Variants in ALPK2 observed in about 807,000 individuals in gnomAD.
ALPK2 encodes alpha-protein kinase 2.
ALPK2 carries 127 observed loss-of-function variants against 163.1 expected under a neutral mutation model. That is an observed-to-expected ratio of 0.78 (90% confidence interval 0.67 to 0.90). The LOEUF (loss-of-function observed/expected upper bound fraction) is 0.90, where lower values mean the gene tolerates loss of function less well. Among genes scored for constraint, ALPK2 ranks in the 40% least tolerant of loss-of-function variants. ALPK2 has a pLI of 0.00. For synonymous variants in ALPK2, 953 were observed against 959.1 expected (o/e 0.99, Z 0.12); for missense variants, 2,360 against 2,589.6 (o/e 0.91, Z 1.92).
rs1292188381 is a variant in ALPK2, at chr18:58,534,897, A to G, written c.5290T>C (p.Ser1764Pro). 3.7e-6 allele frequency: 6 copies of G among 1,613,922 alleles called. No individual in the cohort carries two copies. Among genetic ancestry groups the G allele is most frequent in the Non-Finnish European group, 5.1e-6 (6 of 1,180,008 alleles). Residue 1764 changes from serine to proline, a missense_variant, in exon 5 of 13, where the codon TCA (serine) becomes CCA (proline). Ser to Pro is a moderately conservative substitution (Grantham distance 74). Transcript: ENST00000361673. ...FLKKMPKLET[S>P]LSHTEEKQDP... The stretch of plus-strand genomic sequence containing the variant: ...TGTTTCTCTTCTGTGTGTGATAATG[A>G]TGTTTCGAGTTTGGGCATCTTTTTA...
intron 1 of ALPK2, among the ~76,000 whole-genome samples, chr18:58,621,241 A>G (rs974468485): frequency 6.6e-6 from 1 of 152,070 alleles, no homozygotes; most frequent in Non-Finnish European, 1.5e-5. Flanking sequence ...TAAATGAAAT[A>G]AACAATGTAT....
At chr18:58,503,331 A>G (rs2051442462) in intron 11 of ALPK2, among the ~76,000 whole-genome samples, 1 of 152,220 alleles carries the variant, frequency 6.6e-6, no homozygotes, top group Non-Finnish European at 1.5e-5. Context: ...CCTATTGAGG[A>G]TAGAACAGTA....
Position 58,580,482 on chromosome 18 carries a change from A to C in ALPK2, c.294T>G (p.Cys98Trp), listed in dbSNP as rs2051952830. ...SAKNSFGMIC[C>W]SASVEVECSS... is the part of the protein sequence containing the mutation. ...AGCACTCAACCTCAACGGAAGCAGA[A>C]CAACAGATCATTCCAAAAGAGTTTT... Residue 98 changes from cysteine to tryptophan, a missense_variant, in exon 4 of 13, where the codon TGT becomes TGG. Coordinates refer to ENST00000361673, the MANE Select transcript of ALPK2 (RefSeq NM_052947.4). The C allele has an allele frequency of 6.2e-7, 1 of 1,614,092 alleles. No individual in the cohort carries two copies. Among genetic ancestry groups the C allele is most frequent in the South Asian group, 1.1e-5 (1 of 91,084 alleles).
intron 12 of ALPK2, among the ~76,000 whole-genome samples, chr18:58,489,579 T>A (rs1458601158): frequency 6.6e-6 from 1 of 151,628 alleles, no homozygotes; most frequent in Non-Finnish European, 1.5e-5. Flanking sequence ...TCCAGTTTCT[T>A]GGGAGGCTGA....
chr18:58,540,540 G>A (rs1267903027), intron 4 of ALPK2, among the ~76,000 whole-genome samples: 2 of 152,046 alleles, frequency 1.3e-5, no homozygotes, highest in Non-Finnish European at 2.9e-5. Context: ...TTTCTGGTTT[G>A]GTATTTTGGT....
chr18:58,556,728 C>T (rs2051794577), intron 4 of ALPK2, among the ~76,000 whole-genome samples: 1 of 152,174 alleles, frequency 6.6e-6, no homozygotes, highest in Non-Finnish European at 1.5e-5. Flanking sequence ...ACAAACTCCC[C>T]AGAAGAGAAG....
At chr18:58,600,026 T>C (rs1232890784) in intron 3 of ALPK2, among the ~76,000 whole-genome samples, 1 of 124,982 alleles carries the variant, frequency 8.0e-6, no homozygotes, top group Non-Finnish European at 1.6e-5. Flanking sequence ...AATGGGGATA[T>C]CTTTTTTTTT....
rs749206916 is a variant in ALPK2, at chr18:58,579,234, C to T, written c.1542G>A (p.Thr514=). 1.7e-5 allele frequency: 28 copies of T among 1,613,976 alleles called. No individual in the cohort carries two copies. Among genetic ancestry groups the T allele is most frequent in the African/African-American group, 5.3e-5 (4 of 74,912 alleles). Residue 514 remains threonine, a synonymous_variant, in exon 4 of 13, where the codon ACG becomes ACA. Coordinates refer to ENST00000361673, the MANE Select transcript of ALPK2 (RefSeq NM_052947.4). ...TTCCCCCCACTCTCTTGTCAGCTGC[C>T]GTCTCCCAACACTGGCTCATCCCTG... ...ENSGMSQCWE[T]AADKRVGGKD... is the part of the protein sequence containing the mutation.
At chr18:58,556,331 C>T (rs1190667829) in intron 4 of ALPK2, among the ~76,000 whole-genome samples, 1 of 152,166 alleles carries the variant, frequency 6.6e-6, no homozygotes, top group East Asian at 1.9e-4. Flanking sequence ...GAACTCAGAC[C>T]TAAAATGGAA....
chr18:58,585,050 T>C (rs2051978549), intron 3 of ALPK2, among the ~76,000 whole-genome samples: 1 of 152,230 alleles, frequency 6.6e-6, no homozygotes, highest in South Asian at 2.1e-4. Context: ...TTGAATTCTC[T>C]AGGTTCTTTA....
At chr18:58,530,503 C>T (rs2051607658) in intron 5 of ALPK2, among the ~76,000 whole-genome samples, 1 of 152,260 alleles carries the variant, frequency 6.6e-6, no homozygotes, top group African/African-American at 2.4e-5. Flanking sequence ...AGCCCACCTC[C>T]TCATCTGGGC....
At position 58,579,742 on chromosome 18, in the gene ALPK2, T is replaced by G; in HGVS notation, c.1034A>C (p.Gln345Pro). 6.2e-7 allele frequency: 1 copy of G among 1,614,220 alleles called. No homozygotes were observed. The highest frequency in any genetic ancestry group is 1.6e-4 in the Middle Eastern group (1 of 6,062). ...VMTDYSNAVW[Q>P]RNLLGTEHVF... ...ATGCTCAGTCCCCAGCAGGTTCCTT[T>G]GCCAAACTGCATTAGAGTAATCCGT... Residue 345 changes from glutamine to proline, a missense_variant, in exon 4 of 13, where the codon CAA becomes CCA. Coordinates refer to ENST00000361673, the MANE Select transcript of ALPK2 (RefSeq NM_052947.4).
At chr18:58,508,710 G>T (rs2051473996) in intron 10 of ALPK2, among the ~76,000 whole-genome samples, 1 of 152,110 alleles carries the variant, frequency 6.6e-6, no homozygotes, top group Non-Finnish European at 1.5e-5. Context: ...AGCCCTTGGG[G>T]CTGCTCTGTC....
At chr18:58,528,358 C>G (rs1464316898) in intron 6 of ALPK2, among the ~76,000 whole-genome samples, 1 of 152,038 alleles carries the variant, frequency 6.6e-6, no homozygotes, top group East Asian at 1.9e-4. Flanking sequence ...GTGGCAAAAC[C>G]CTGTCTCTAC....
intron 11 of ALPK2, among the ~76,000 whole-genome samples, chr18:58,501,848 C>G (rs1359320306): frequency 1.3e-5 from 2 of 152,056 alleles, no homozygotes; most frequent in Non-Finnish European, 2.9e-5. Context: ...AAATCCAAGT[C>G]AAGTTTCTAG....
rs773311555 is a variant in ALPK2 at position 58,498,061 on chromosome 18, G to A, written c.6284C>T (p.Thr2095Met). The A allele has an allele frequency of 8.1e-6, 13 of 1,614,048 alleles. No individual in the cohort carries two copies. The highest frequency in any genetic ancestry group is 5.5e-5 in the South Asian group (5 of 91,066). Reference sequence around the variant, plus strand: ...TTTTCCTACTCACCCTTTAGCCAGCGTTGCTATGCCAACGTCAGTTAGCTT... The same window carrying A: ...TTTTCCTACTCACCCTTTAGCCAGCATTGCTATGCCAACGTCAGTTAGCTT... Reference protein sequence around the residue: ...GMKLTDVGIATLAKGYKGFKG... With the variant: ...GMKLTDVGIAMLAKGYKGFKG... The change falls in exon 12 of 13, where the codon ACG (threonine) becomes ATG (methionine). Residue 2095 changes from threonine to methionine, a missense_variant. Physicochemically the swap from Thr to Met is moderately conservative, Grantham distance 81. Transcript: ENST00000361673.
chr18:58,497,981 A>G, intron 12 of ALPK2, 68 bp downstream of exon 12: 1 of 1,444,742 alleles, frequency 6.9e-7, no homozygotes, highest in Non-Finnish European at 9.7e-7. Context: ...TCAGCCTGAC[A>G]GTGTCTGCCT....
At chr18:58,592,679 A>G (rs1288608760) in intron 3 of ALPK2, among the ~76,000 whole-genome samples, 1 of 152,148 alleles carries the variant, frequency 6.6e-6, no homozygotes, top group Admixed American at 6.5e-5. Flanking sequence ...TGCAGGGGAA[A>G]GTTTACTTTT....
intron 11 of ALPK2, among the ~76,000 whole-genome samples, chr18:58,499,806 C>T (rs749661827): frequency 1.3e-5 from 2 of 152,242 alleles, no homozygotes; most frequent in African/African-American, 2.4e-5. Flanking sequence ...ATGGAGGGCC[C>T]TGGCAGCCTA....
Sources: gnomAD v4.1 joint callset for allele counts (sites outside exome capture counted in the v4.1 genomes callset) on GRCh38, gnomAD v4.1.1 for gene constraint, MANE v1.5 for transcripts, NCBI Gene and HGNC (gene_info 2026-07-23, HGNC 2026-07-21) for gene names.